Variants in PUDP observed in about 807,000 individuals in gnomAD.
PUDP encodes pseudouridine 5'-phosphatase, also known as pseudouridine-5'-phosphatase.
PUDP carries 8 observed loss-of-function variants against 9.4 expected under a neutral mutation model. The ratio of observed to expected loss-of-function variants is 0.85; its 90% CI spans 0.50 to 1.53. PUDP has a LOEUF of 1.53. PUDP is among the 40% of genes most tolerant of loss of function. PUDP has a pLI of 0.00. For missense variants in PUDP, 188 were observed against 189.7 expected (o/e 0.99, Z 0.05); for synonymous variants, 99 against 80.7 (o/e 1.23, Z -1.22).
rs187683815 is a variant in PUDP at position 7,067,216 on chromosome X, A to G, written c.510+10004T>C. Among the ~76,000 whole-genome samples the G allele has an allele frequency of 6.5e-4, 73 of 112,213 alleles. 1 individual carries two copies. The East Asian group carries it at 0.019, about 29-fold the overall frequency. ...ATTTGACAGAGTGCAGAAGGGCCTC[A>G]TGCCTCTAATTTGTGTTTTCCCAGA... On this transcript the variant is annotated intron_variant, in intron 3 of 3. Transcript: ENST00000381077.
chrX:6,856,073 G>A (rs1008042260), intron 3 of PUDP, among the ~76,000 whole-genome samples: 3 of 111,559 alleles, frequency 2.7e-5, no homozygotes, highest in African/African-American at 9.8e-5. Flanking sequence ...CTTTGAGATC[G>A]GAGGAACTGA....
intron 3 of PUDP, among the ~76,000 whole-genome samples, chrX:6,741,702 A>G (rs2146665214): frequency 9.0e-6 from 1 of 111,214 alleles, no homozygotes; most frequent in East Asian, 2.8e-4. Context: ...TACATCCTGG[A>G]AAGTTACATA....
chrX:6,794,094 A>G (rs1925798291), intron 3 of PUDP, among the ~76,000 whole-genome samples: 1 of 112,193 alleles, frequency 8.9e-6, no homozygotes, highest in Admixed American at 9.5e-5. Flanking sequence ...TCTCTACAGA[A>G]GCTGGCTTAA....
chrX:6,916,249 C>CACACACA (rs1440821475), intron 3 of PUDP, among the ~76,000 whole-genome samples: 3 of 96,524 alleles, frequency 3.1e-5, no homozygotes, highest in Non-Finnish European at 4.1e-5. Flanking sequence ...CACACACACA[C>CACACACA]CCTGGGGAAC....
intron 1 of PUDP, among the ~76,000 whole-genome samples, chrX:7,035,642 T>TCCAG (rs758486268): frequency 6.2e-5 from 7 of 112,323 alleles, no homozygotes; most frequent in Non-Finnish European, 1.3e-4. Context: ...TTGCTGAGGA[T>TCCAG]CCAGCCTTTA....
chrX:6,934,133 G>A (rs1478467974), intron 3 of PUDP, among the ~76,000 whole-genome samples: 3 of 104,733 alleles, frequency 2.9e-5, no homozygotes, highest in African/African-American at 7.0e-5. Context: ...TACAGAGAAC[G>A]CCACAAAGAT....
intron 1 of PUDP, among the ~76,000 whole-genome samples, chrX:7,129,720 G>T (rs533762218): frequency 1.8e-5 from 2 of 111,915 alleles, no homozygotes; most frequent in East Asian, 2.8e-4. Flanking sequence ...CTTAGAATAT[G>T]ATTTCATTCC....
intron 3 of PUDP, among the ~76,000 whole-genome samples, chrX:6,769,046 G>A (rs1243417818): frequency 1.8e-5 from 2 of 111,767 alleles, no homozygotes; most frequent in Admixed American, 9.5e-5. Context: ...TGCTCGAAAT[G>A]TCACATAAAT....
chrX:6,791,648 G>A (rs192509350), intron 3 of PUDP, among the ~76,000 whole-genome samples: 54 of 111,545 alleles, frequency 4.8e-4, no homozygotes, highest in African/African-American at 1.8e-3. Context: ...GTCAAGGAAT[G>A]CGGGATACTT....
chrX:6,962,204 G>A (rs1182308655), intron 3 of PUDP, among the ~76,000 whole-genome samples: 1 of 108,685 alleles, frequency 9.2e-6, no homozygotes, highest in Non-Finnish European at 1.9e-5. Flanking sequence ...TTGGATCACT[G>A]TTTTAATTTA....
intron 1 of PUDP, among the ~76,000 whole-genome samples, chrX:7,139,243 T>C (rs1211261281): frequency 8.9e-6 from 1 of 112,197 alleles, no homozygotes; most frequent in Non-Finnish European, 1.9e-5. Context: ...TCTAAATAGA[T>C]TAAGGATGAG....
chrX:7,003,455 A>G (rs752387716), intron 1 of PUDP, among the ~76,000 whole-genome samples: 1 of 111,695 alleles, frequency 9.0e-6, no homozygotes, highest in East Asian at 2.8e-4. Context: ...CAAGTATTCA[A>G]TAGTTAGTAT....
intron 1 of PUDP, 134 bp from the exon 2 acceptor site, chrX:7,105,972 G>A (rs187917349): frequency 2.2e-3 from 972 of 443,659 alleles, no homozygotes; most frequent in Non-Finnish European, 3.3e-3. Flanking sequence ...AAGTGAACAG[G>A]AGAAAGGCTT....
chrX:6,857,035 C>G, intron 3 of PUDP, among the ~76,000 whole-genome samples: 1 of 112,437 alleles, frequency 8.9e-6, no homozygotes, highest in Non-Finnish European at 1.9e-5. Context: ...TACAGATATA[C>G]TAAACGAAAG....
chrX:6,930,226 G>C lies in PUDP; in HGVS notation c.*247+46907C>G, dbSNP rs185454774. On this transcript the variant is annotated intron_variant and NMD_transcript_variant, in intron 3 of 3. Coordinates refer to the PUDP transcript ENST00000655425. Reference sequence around the variant, plus strand: ...GCTGGGTAAAATGAGGTTGAGACCTGCTGGGCTGCACTCCCAGGAGGTTAG... The same window carrying C: ...GCTGGGTAAAATGAGGTTGAGACCTCCTGGGCTGCACTCCCAGGAGGTTAG... Among the ~76,000 whole-genome samples the C allele has an allele frequency of 2.4e-3, 266 of 110,908 alleles. 1 individual carries two copies. The highest frequency in any genetic ancestry group is 9.2e-3 in the Middle Eastern group (2 of 217).
rs748761474 is a variant in PUDP, at chrX:6,794,065, G to C, written c.*248-87599C>G. Among the ~76,000 whole-genome samples, 19 of 111,936 alleles carry C rather than the reference G, an allele frequency of 1.7e-4. No homozygotes were observed. The South Asian group carries it at 6.0e-3, about 35-fold the overall frequency. On this transcript the variant is annotated intron_variant and NMD_transcript_variant, in intron 3 of 3. Coordinates refer to the PUDP transcript ENST00000655425. ...AGCTACAACCAGCAAAAACCTAGCT[G>C]TTAGAGGAAATGTTTCTTTCTCTAC...
At position 7,125,171 on chromosome X, in the gene PUDP, T is replaced by C. The variant is rs781308159; in HGVS notation, c.62-19333A>G. On this transcript the variant is annotated intron_variant, in intron 1 of 3. Transcript: ENST00000381077. ...CAGTTTACTAAAAAACAGCACAGTA[T>C]AGTCCTCACAAAATGAAAACAAACC... Among the ~76,000 whole-genome samples, 126 of 111,757 alleles carry C rather than the reference T, an allele frequency of 1.1e-3. 1 individual carries two copies. Among genetic ancestry groups the C allele is most frequent in the Non-Finnish European group, 1.7e-3 (89 of 53,187 alleles).
At chrX:6,992,680 C>T (rs1488862521) in intron 1 of PUDP, among the ~76,000 whole-genome samples, 3 of 111,001 alleles carry the variant, frequency 2.7e-5, no homozygotes, top group Non-Finnish European at 5.7e-5. Flanking sequence ...CACTCAACAG[C>T]GTAAGAACTT....
At chrX:6,962,477 C>A (rs370419996) in intron 3 of PUDP, among the ~76,000 whole-genome samples, 1 of 111,855 alleles carries the variant, frequency 8.9e-6, no homozygotes, top group South Asian at 3.7e-4. Context: ...TCTATTATTT[C>A]TACAGCATGA....
Sources: gnomAD v4.1 joint callset for allele counts (sites outside exome capture counted in the v4.1 genomes callset) on GRCh38, gnomAD v4.1.1 for gene constraint, MANE v1.5 for transcripts, NCBI Gene and HGNC (gene_info 2026-07-23, HGNC 2026-07-21) for gene names.